RNFT1: variants seen among roughly 807,000 people sequenced by gnomAD.
The protein encoded by RNFT1 is ring finger protein, transmembrane 1.
A neutral mutation model predicts 53.2 loss-of-function variants in RNFT1; 35 were observed. That is an observed-to-expected ratio of 0.66 (90% CI 0.50 to 0.87). The LOEUF (loss-of-function observed/expected upper bound fraction) is 0.87. Among genes scored for constraint, RNFT1 ranks in the 40% least tolerant of loss-of-function variants. RNFT1 has a pLI of 0.00. For synonymous variants in RNFT1, 141 were observed against 172.8 expected (o/e 0.82, Z 1.44); for missense variants, 421 against 515.0 (o/e 0.82, Z 1.77).
chr17:59,957,463 G>A, intron 5 of RNFT1, 81 bp from the exon 6 acceptor site: 2 of 931,014 alleles, frequency 2.1e-6, no homozygotes, highest in Non-Finnish European at 3.2e-6. Context: ...TGAGAACACT[G>A]AGTATATTAT....
rs1282641870 is a variant in RNFT1, at chr17:59,963,195, G to A, written c.146C>T (p.Pro49Leu). 12 of 1,614,152 alleles carry A rather than the reference G, an allele frequency of 7.4e-6. No homozygotes were observed. The highest frequency in any genetic ancestry group is 1.0e-5 in the Non-Finnish European group (12 of 1,180,032). The change falls in exon 2 of 9, where the codon CCA becomes CTA. Residue 49 changes from proline (P) to leucine (L), a missense_variant. Physicochemically the swap from Pro to Leu is moderately conservative, Grantham distance 98 (BLOSUM62 -3). Transcript: ENST00000305783. ...GGCATCCTCACTGCTTCCAGTTCCT[G>A]GAGGACTGTGCAGTTGGCTACGATT... ...QANRSQLHSP[P>L]GTGSSEDAST...
chr17:59,961,131 G>C (rs534308299), intron 3 of RNFT1, among the ~76,000 whole-genome samples: 1 of 151,802 alleles, frequency 6.6e-6, no homozygotes, highest in Admixed American at 6.6e-5. Flanking sequence ...CAACCACCTG[G>C]GGTCAGGCAA....
Position 59,964,602 on chromosome 17 carries a change from C to T in RNFT1, c.56+6G>A. 1 of 1,600,114 alleles carries T rather than the reference C, an allele frequency of 6.2e-7. No individual in the cohort carries two copies. The highest frequency in any genetic ancestry group is 8.5e-7 in the Non-Finnish European group (1 of 1,173,254). ...TCCTCCTCTGCCCGCTTCCCCCAGG[C>T]CTAACCTCTCATGACCAGAAGCGGA... On this transcript the variant is annotated splice_donor_region_variant and intron_variant, in intron 1 of 8. Coordinates refer to ENST00000305783, the MANE Select transcript of RNFT1 (RefSeq NM_016125.4).
intron 4 of RNFT1, 63 bp from the exon 5 acceptor site, chr17:59,958,507 G>A: frequency 7.9e-7 from 1 of 1,266,066 alleles, no homozygotes; most frequent in Non-Finnish European, 1.1e-6. Flanking sequence ...ATTAATAAAG[G>A]GTTTTAATTT....
At position 59,953,057 on chromosome 17, in the gene RNFT1, G is replaced by A. The variant is rs1351611367; in HGVS notation, c.1228C>T (p.Pro410Ser). ...TLWFNREKTC[P>S]LCRTVISDHI... Reference sequence around the variant, plus strand: ...TCTGAAATCACAGTTCTGCAGAGTGGACATGTTTTCTCTCTGTTAAACCAT... The same window carrying A: ...TCTGAAATCACAGTTCTGCAGAGTGAACATGTTTTCTCTCTGTTAAACCAT... Residue 410 changes from proline to serine, a missense_variant, in exon 9 of 9, where the codon CCA becomes TCA. Physicochemically the swap from Pro to Ser is moderately conservative, Grantham distance 74 (BLOSUM62 -1). Coordinates refer to ENST00000305783, the MANE Select transcript of RNFT1 (RefSeq NM_016125.4). The A allele has an allele frequency of 1.2e-6, 2 of 1,611,706 alleles. No homozygotes were observed. Among genetic ancestry groups the A allele is most frequent in the African/African-American group, 2.7e-5 (2 of 74,846 alleles).
At chr17:59,961,495 T>C (rs1386109254) in intron 3 of RNFT1, among the ~76,000 whole-genome samples, 2 of 152,242 alleles carry the variant, frequency 1.3e-5, no homozygotes, top group African/African-American at 2.4e-5. Flanking sequence ...GGTGAAATTT[T>C]AGAAACTCAT....
rs756296066 is a variant in RNFT1 at position 59,958,428 on chromosome 17, G to A, written c.709C>T (p.Pro237Ser). The change falls in exon 5 of 9, where the codon CCT (proline) becomes TCT (serine). Residue 237 changes from proline to serine, a missense_variant. By Grantham distance (74) the Pro-to-Ser change is moderately conservative (BLOSUM62 -1). Coordinates refer to ENST00000305783, the MANE Select transcript of RNFT1 (RefSeq NM_016125.4). ...SLYYSLIFLN[P>S]TLDHLSFWEV... ...CAGAAGCTCAAATGGTCCAAAGTAG[G>A]ATTTAAAAAAATTAAGCTACCAAAA... 4 of 1,567,630 alleles carry A rather than the reference G, an allele frequency of 2.6e-6. No individual in the cohort carries two copies. In the African/African-American group the frequency reaches 5.6e-5, roughly 22 times the overall value.
At position 59,963,196 on chromosome 17, in the gene RNFT1, G is replaced by A. The variant is rs1231140351; in HGVS notation, c.145C>T (p.Pro49Ser). ...QANRSQLHSP[P>S]GTGSSEDAST... ...GCATCCTCACTGCTTCCAGTTCCTG[G>A]AGGACTGTGCAGTTGGCTACGATTG... Residue 49 changes from proline to serine, a missense_variant, in exon 2 of 9, where the codon CCA becomes TCA. Transcript: ENST00000305783. 2.5e-6 allele frequency: 4 copies of A among 1,614,048 alleles called. No homozygotes were observed. The highest frequency in any genetic ancestry group is 2.2e-5 in the South Asian group (2 of 91,094).
chr17:59,956,095 T>G (rs1389751946), intron 7 of RNFT1, among the ~76,000 whole-genome samples: 6 of 152,114 alleles, frequency 3.9e-5, no homozygotes, highest in Admixed American at 2.0e-4. Context: ...TAAATTACAA[T>G]GGAAGGATTT....
chr17:59,953,087 T>C lies in RNFT1; in HGVS notation c.1198A>G (p.Thr400Ala). The C allele has an allele frequency of 6.2e-7, 1 of 1,609,286 alleles. No individual in the cohort carries two copies. Among genetic ancestry groups the C allele is most frequent in the Non-Finnish European group, 8.5e-7 (1 of 1,175,970 alleles). ...GTTTTCTCTCTGTTAAACCATAAGG[T>C]CATGCACTCTTCACAAAATATATGC... The part of the protein sequence containing the change: ...CQHIFCEECM[T>A]LWFNREKTCP... The change falls in exon 9 of 9, where the codon ACC (threonine) becomes GCC (alanine). Residue 400 changes from threonine to alanine, a missense_variant. Transcript: ENST00000305783.
chr17:59,956,612 A>G (rs1156985942), intron 6 of RNFT1, 59 bp from the exon 7 acceptor site: 15 of 1,285,262 alleles, frequency 1.2e-5, no homozygotes, highest in Non-Finnish European at 1.1e-5. Context: ...GCTAAACCCA[A>G]AAACCAAAGC....
At chr17:59,957,995 T>G (rs1443832125) in intron 5 of RNFT1, among the ~76,000 whole-genome samples, 1 of 152,232 alleles carries the variant, frequency 6.6e-6, no homozygotes, top group African/African-American at 2.4e-5. Flanking sequence ...CATAGTCAAC[T>G]GTCAATTGAT....
intron 5 of RNFT1, among the ~76,000 whole-genome samples, chr17:59,957,991 C>A (rs2045264643): frequency 6.6e-6 from 1 of 152,144 alleles, no homozygotes; most frequent in Admixed American, 6.5e-5. Context: ...TGTACATAGT[C>A]AACTGTCAAT....
At position 59,962,808 on chromosome 17, in the gene RNFT1, A is replaced by G. The variant is rs763054055; in HGVS notation, c.514+19T>C. 3.8e-6 allele frequency: 6 copies of G among 1,573,340 alleles called. No homozygotes were observed. Among genetic ancestry groups the G allele is most frequent in the South Asian group, 2.3e-5 (2 of 87,816 alleles). On this transcript the variant is annotated intron_variant, in intron 2 of 8. Transcript: ENST00000305783. ...TGAATTTAGGAATGAAAACAAGTCA[A>G]TGTTTTATTATGTCCTACCTGTTAT... is the stretch of plus-strand genomic sequence containing the variant.
At position 59,962,508 on chromosome 17, in the gene RNFT1, TTAA is replaced by T. The variant is rs547112153; in HGVS notation, c.591+29_591+31del. The stretch of plus-strand genomic sequence containing the variant: ...CTCTAAAATCTATGGAGAGAAACAG[TTAA>T]TAATTTTTTAGTTGCTTGTTATACT... On this transcript the variant is annotated intron_variant, in intron 3 of 8. Transcript: ENST00000305783. 1.4e-4 allele frequency: 186 copies of T among 1,328,722 alleles called. 1 individual carries two copies. In the Middle Eastern group the frequency reaches 7.0e-3, roughly 50 times the overall value. The allele number at this position is 1,328,722 out of a possible 1,614,324, so 82.3% of individuals were successfully genotyped here.
At chr17:59,956,587 CA>C (rs778793460) in intron 6 of RNFT1, 34 bp from the exon 7 acceptor site, 19 of 1,551,696 alleles carry the variant, frequency 1.2e-5, no homozygotes, top group Admixed American at 3.4e-5. Context: ...TTTATTAATT[CA>C]AACAGTCCTA....
intron 2 of RNFT1, 86 bp from the exon 3 acceptor site, chr17:59,962,702 A>C (rs1308702921): frequency 7.5e-7 from 1 of 1,339,168 alleles, no homozygotes; most frequent in African/African-American, 1.5e-5. Flanking sequence ...ATTAAAAATA[A>C]ACATATACAA....
chr17:59,961,046 T>A (rs554564429), intron 3 of RNFT1, among the ~76,000 whole-genome samples: 1 of 150,816 alleles, frequency 6.6e-6, no homozygotes, highest in Non-Finnish European at 1.5e-5. Flanking sequence ...TTTTTTTTTT[T>A]ACTTTTTTGA....
chr17:59,952,675 C>T lies in RNFT1; in HGVS notation c.*302G>A, dbSNP rs188223356. The T allele has an allele frequency of 5.2e-6, 1 of 193,722 alleles. No homozygotes were observed. The highest frequency in any genetic ancestry group is 2.3e-5 in the African/African-American group (1 of 43,094). The allele number at this position is 193,722 out of a possible 1,614,324, so 12.0% of individuals were successfully genotyped here. Reference sequence around the variant, plus strand: ...CCTGAGTTCTCTAAAACCACTAGTTCTAATTTCAAATTGCTGTTTTGGTAA... The same window carrying T: ...CCTGAGTTCTCTAAAACCACTAGTTTTAATTTCAAATTGCTGTTTTGGTAA... On this transcript the variant is annotated 3_prime_UTR_variant, in exon 9 of 9. Transcript: ENST00000305783.
Sources: allele counts gnomAD v4.1 joint callset (sites outside exome capture counted in the v4.1 genomes callset), GRCh38; gene constraint gnomAD v4.1.1; transcripts MANE v1.5; gene names NCBI Gene and HGNC (gene_info 2026-07-23, HGNC 2026-07-21).